NFATC3: variants seen among roughly 807,000 people sequenced by gnomAD.
The protein encoded by NFATC3 is nuclear factor of activated T cells 3.
Under a neutral mutation model 98.6 loss-of-function variants are expected in NFATC3, and 46 were observed. That is an observed-to-expected ratio of 0.47 (90% CI 0.37 to 0.60). NFATC3 has a LOEUF of 0.60. Among genes scored for constraint, NFATC3 ranks in the 20% least tolerant of loss-of-function variants. The probability of loss-of-function intolerance (pLI) is 0.00; values close to 1 mark genes in which losing one functional copy is unlikely to be tolerated. For synonymous variants in NFATC3, 512 were observed against 472.2 expected (o/e 1.08, Z -1.09); for missense variants, 1,256 against 1,295.5 (o/e 0.97, Z 0.47).
intron 4 of NFATC3, among the ~76,000 whole-genome samples, chr16:68,161,819 A>G (rs2038906329): frequency 6.6e-6 from 1 of 152,242 alleles, no homozygotes; most frequent in African/African-American, 2.4e-5. Flanking sequence ...ATAAACCAAT[A>G]AATAGAAAAG....
intron 9 of NFATC3, among the ~76,000 whole-genome samples, chr16:68,207,543 A>C (rs2151149339): frequency 6.6e-6 from 1 of 152,268 alleles, no homozygotes; most frequent in African/African-American, 2.4e-5. Flanking sequence ...GGCTCACTGA[A>C]GTCTCTGCCT....
intron 9 of NFATC3, among the ~76,000 whole-genome samples, chr16:68,222,289 C>CCAAAAAAAAAAAAAA (rs1372339245): frequency 3.8e-5 from 1 of 26,404 alleles, no homozygotes; most frequent in African/African-American, 9.3e-5. Context: ...ACCCCATTGC[C>CCAAAAAAAAAAAAAA]AAAAAAAAAA....
At chr16:68,113,938 T>C (rs1034282663) in intron 1 of NFATC3, among the ~76,000 whole-genome samples, 1 of 152,164 alleles carries the variant, frequency 6.6e-6, no homozygotes, top group South Asian at 2.1e-4. Flanking sequence ...CAAAGGAAAA[T>C]GGCAGACTGG....
intron 8 of NFATC3, among the ~76,000 whole-genome samples, chr16:68,187,199 C>T (rs9889092): frequency 0.04 from 6,125 of 152,242 alleles, 374 homozygotes; most frequent in African/African-American, 0.13. Flanking sequence ...CCAGGGATAC[C>T]GCAGGCAGCT....
In NFATC3 at chr16:68,121,246, T is replaced by TC. The variant is rs201179759; in HGVS notation, c.104-741_104-740insC. ...ATATCTCATTTCTTTTCTTTTCTTT[T>TC]TTTTTTTTTTTTTTTTTTGAGACGG... On this transcript the variant is annotated intron_variant, in intron 1 of 9. Transcript: ENST00000346183. Among the ~76,000 whole-genome samples, 132 of 130,084 alleles carry TC rather than the reference T, an allele frequency of 1.0e-3. No homozygotes were observed. In the Middle Eastern group the frequency reaches 0.016, roughly 16 times the overall value. The allele number at this position is 130,084 out of a possible 152,430, so 85.3% of individuals were successfully genotyped here. A position where few individuals can be genotyped will look rare whatever the true frequency, so the allele number is the denominator to read the frequency against.
intron 1 of NFATC3, among the ~76,000 whole-genome samples, chr16:68,100,708 A>C (rs1215646891): frequency 6.7e-6 from 1 of 149,982 alleles, no homozygotes; most frequent in Non-Finnish European, 1.5e-5. Context: ...TTTTTTAATC[A>C]TTCTGATGGG....
At chr16:68,109,619 C>T (rs1051279465) in intron 1 of NFATC3, among the ~76,000 whole-genome samples, 6 of 152,098 alleles carry the variant, frequency 3.9e-5, no homozygotes, top group South Asian at 2.1e-4. Flanking sequence ...CCTTCCTTTT[C>T]GGTTGTTTGG....
intron 1 of NFATC3, among the ~76,000 whole-genome samples, chr16:68,106,095 C>G (rs886073067): frequency 6.6e-6 from 1 of 151,794 alleles, no homozygotes; most frequent in Non-Finnish European, 1.5e-5. Flanking sequence ...GTCTTGAACT[C>G]TTGACCTCAA....
At chr16:68,221,900 C>T (rs2041877284) in intron 9 of NFATC3, among the ~76,000 whole-genome samples, 2 of 152,048 alleles carry the variant, frequency 1.3e-5, no homozygotes, top group Non-Finnish European at 2.9e-5. Flanking sequence ...TGGTTTCATC[C>T]TTATATAAGT....
chr16:68,135,816 A>T (rs1460300077), intron 3 of NFATC3, among the ~76,000 whole-genome samples: 1 of 152,178 alleles, frequency 6.6e-6, no homozygotes, highest in Non-Finnish European at 1.5e-5. Flanking sequence ...TAATCCCAGC[A>T]CTTTGGGAGG....
At chr16:68,090,322 A>AACACACACACACACAC (rs60304758) in intron 1 of NFATC3, among the ~76,000 whole-genome samples, 1 of 125,802 alleles carries the variant, frequency 7.9e-6, no homozygotes, top group African/African-American at 3.0e-5. Context: ...TTTCTTTAAA[A>AACACACACACACACAC]ACACACACAC....
Position 68,123,130 on chromosome 16 carries a change from A to T in NFATC3, c.1238+9A>T. On this transcript the variant is annotated intron_variant, in intron 2 of 9. Coordinates refer to ENST00000346183, the MANE Select transcript of NFATC3 (RefSeq NM_173165.3). ...CACACCCCTATATTTCGGTGAGTTGATGGAAATGGCTGCTGGTCATTTTTC... is the reference window on the plus strand; with the variant it reads ...CACACCCCTATATTTCGGTGAGTTGTTGGAAATGGCTGCTGGTCATTTTTC... The T allele has an allele frequency of 1.9e-6, 3 of 1,584,902 alleles. No individual in the cohort carries two copies. The highest frequency in any genetic ancestry group is 2.6e-6 in the Non-Finnish European group (3 of 1,173,018).
intron 2 of NFATC3, among the ~76,000 whole-genome samples, chr16:68,125,543 G>A (rs1009445677): frequency 1.3e-5 from 2 of 152,124 alleles, no homozygotes; most frequent in African/African-American, 4.8e-5. Context: ...CAGAGAGACA[G>A]GGAAAGGCGC....
intron 3 of NFATC3, among the ~76,000 whole-genome samples, chr16:68,132,655 C>T (rs1421173354): frequency 6.6e-6 from 1 of 152,116 alleles, no homozygotes; most frequent in African/African-American, 2.4e-5. Context: ...GAAAATGTGA[C>T]ATATATGCAC....
At chr16:68,154,786 G>T (rs1334312913) in intron 3 of NFATC3, among the ~76,000 whole-genome samples, 5 of 152,178 alleles carry the variant, frequency 3.3e-5, no homozygotes, top group Non-Finnish European at 7.3e-5. Context: ...CTGTGGAAAG[G>T]GTAAGGCCAA....
rs1209984369 is a variant in NFATC3 at position 68,214,242 on chromosome 16, G to GA, written c.3107-12100dup. 3.9e-4 allele frequency: 369 copies of GA among 941,408 alleles called. 1 individual carries two copies. The highest frequency in any genetic ancestry group is 2.8e-3 in the East Asian group (112 of 40,204). 58.3% of individuals were successfully genotyped at this position (941,408 alleles called of 1,614,324 possible). ...GACAGTTAAATTCCTTTTGATTATA[G>GA]AAAAAAAACAGGCTGGGCACTGTAG... is the stretch of plus-strand genomic sequence containing the variant. On this transcript the variant is annotated intron_variant, in intron 9 of 9. Coordinates refer to ENST00000346183, the MANE Select transcript of NFATC3 (RefSeq NM_173165.3).
chr16:68,154,112 A>T (rs1035631290), intron 3 of NFATC3, among the ~76,000 whole-genome samples: 4 of 151,298 alleles, frequency 2.6e-5, no homozygotes, highest in Non-Finnish European at 5.9e-5. Flanking sequence ...TAATGTGGAG[A>T]TGGGGGTCTC....
chr16:68,170,320 G>A (rs1184257431), intron 5 of NFATC3, among the ~76,000 whole-genome samples: 1 of 150,518 alleles, frequency 6.6e-6, no homozygotes, highest in Non-Finnish European at 1.5e-5. Context: ...GAACCTGGGA[G>A]GCTGGGTTGC....
intron 9 of NFATC3, among the ~76,000 whole-genome samples, chr16:68,197,099 T>A (rs970210924): frequency 2.0e-5 from 3 of 151,780 alleles, no homozygotes; most frequent in African/African-American, 7.3e-5. Flanking sequence ...CTGGAATATC[T>A]CGTTTTTAAT....
Sources: allele counts gnomAD v4.1 joint callset (sites outside exome capture counted in the v4.1 genomes callset), GRCh38; gene constraint gnomAD v4.1.1; transcripts MANE v1.5; gene names NCBI Gene and HGNC (gene_info 2026-07-23, HGNC 2026-07-21).